Variants in SLAIN2 observed in about 807,000 individuals in gnomAD.
SLAIN2 encodes the protein SLAIN family member 2.
SLAIN2 carries 31 observed loss-of-function variants against 56.6 expected under a neutral mutation model. That is an observed-to-expected ratio of 0.55 (90% CI 0.41 to 0.74). The LOEUF (loss-of-function observed/expected upper bound fraction) is 0.74. Ranked by LOEUF, SLAIN2 falls within the 30% of genes least tolerant of loss-of-function variation. The pLI is 0.00. For missense variants in SLAIN2, 777 were observed against 754.2 expected (o/e 1.03, Z -0.35); for synonymous variants, 317 against 284.9 (o/e 1.11, Z -1.13).
chr4:48,412,411 CACACAT>C (rs71191221), intron 6 of SLAIN2, among the ~76,000 whole-genome samples: 14,623 of 61,370 alleles, frequency 0.24, 1,303 homozygotes, highest in Non-Finnish European at 0.34. Context: ...CACACACACA[CACACAT>C]TCCCTCTCTC....
chr4:48,371,359 C>T (rs1358529256), intron 2 of SLAIN2, among the ~76,000 whole-genome samples: 1 of 152,070 alleles, frequency 6.6e-6, no homozygotes, highest in African/African-American at 2.4e-5. Context: ...AGGCGTGAGC[C>T]ACCATGCCTG....
At chr4:48,342,774 G>A (rs401463) in intron 1 of SLAIN2, among the ~76,000 whole-genome samples, 30,414 of 130,482 alleles carry the variant, frequency 0.23, 4,029 homozygotes, top group Middle Eastern at 0.4. Flanking sequence ...AACGAGCCCT[G>A]GCTCTTATTT....
At chr4:48,396,171 A>G (rs180773956) in intron 6 of SLAIN2, among the ~76,000 whole-genome samples, 1 of 152,172 alleles carries the variant, frequency 6.6e-6, no homozygotes, top group Admixed American at 6.5e-5. Context: ...CAAACTACCT[A>G]TCCTCTCTGA....
chr4:48,366,544 C>T (rs1419273792), intron 1 of SLAIN2, among the ~76,000 whole-genome samples: 1 of 152,042 alleles, frequency 6.6e-6, no homozygotes, highest in Non-Finnish European at 1.5e-5. Context: ...TCTTTTATAT[C>T]TTAAAGTCTA....
chr4:48,377,320 C>A (rs1170302618), intron 2 of SLAIN2, among the ~76,000 whole-genome samples: 9 of 150,168 alleles, frequency 6.0e-5, no homozygotes, highest in Non-Finnish European at 8.9e-5. Context: ...GTAGCATGCA[C>A]CACCATGCCT....
chr4:48,422,117 A>G lies in SLAIN2; in HGVS notation c.*40A>G. On this transcript the variant is annotated 3_prime_UTR_variant, in exon 8 of 8. Coordinates refer to ENST00000264313, the MANE Select transcript of SLAIN2 (RefSeq NM_020846.2). ...AATGCAGAAGTCCACGGCTTCATGG[A>G]TACCCTTCACCAGGCTAAAAAACAA... 1.3e-6 allele frequency: 2 copies of G among 1,553,946 alleles called. No homozygotes were observed. Among genetic ancestry groups the G allele is most frequent in the Non-Finnish European group, 1.8e-6 (2 of 1,133,442 alleles).
intron 1 of SLAIN2, among the ~76,000 whole-genome samples, chr4:48,344,681 T>C (rs1316922191): frequency 6.6e-6 from 1 of 152,192 alleles, no homozygotes; most frequent in Non-Finnish European, 1.5e-5. Context: ...CAGCAGTCAC[T>C]TTCATACTCT....
chr4:48,341,995 A>T lies in SLAIN2; in HGVS notation c.256A>T (p.Thr86Ser). The change falls in exon 1 of 8, where the codon ACG becomes TCG. Residue 86 changes from threonine to serine, a missense_variant. Transcript: ENST00000264313. ...CGGGCCCGGGTCGGGCCCGAGGCGGACGAGTAGCGAAGAGCTGCGGGACGC... is the reference window on the plus strand; with the variant it reads ...CGGGCCCGGGTCGGGCCCGAGGCGGTCGAGTAGCGAAGAGCTGCGGGACGC... ...GGGPGSGPRR[T>S]SSEELRDATS... 1.4e-6 allele frequency: 2 copies of T among 1,412,840 alleles called. No individual in the cohort carries two copies. Among genetic ancestry groups the T allele is most frequent in the Non-Finnish European group, 9.2e-7 (1 of 1,087,478 alleles). 87.5% of individuals were successfully genotyped at this position (1,412,840 alleles called of 1,614,324 possible).
At chr4:48,396,039 T>TTAATTAAGTAGG (rs1716377596) in intron 6 of SLAIN2, among the ~76,000 whole-genome samples, 28 of 152,302 alleles carry the variant, frequency 1.8e-4, no homozygotes, top group Admixed American at 1.6e-3. Flanking sequence ...TTTACATAAC[T>TTAATTAAGTAGG]TAAAATTTTT....
At chr4:48,350,554 C>A (rs365757) in intron 1 of SLAIN2, among the ~76,000 whole-genome samples, 1 of 152,094 alleles carries the variant, frequency 6.6e-6, no homozygotes, top group Non-Finnish European at 1.5e-5. Context: ...CATGTGACTC[C>A]TGTTGGGCTA....
At position 48,412,365 on chromosome 4, in the gene SLAIN2, T is replaced by TACACACACAC. The variant is rs748099130; in HGVS notation, c.1361-7718_1361-7709dup. Among the ~76,000 whole-genome samples, 277 of 112,964 alleles carry TACACACACAC rather than the reference T, an allele frequency of 2.5e-3. 1 individual carries two copies. The highest frequency in any genetic ancestry group is 4.8e-3 in the Admixed American group (51 of 10,664). The allele number at this position is 112,964 out of a possible 152,430, so 74.1% of individuals were successfully genotyped here. A position where few individuals can be genotyped will look rare whatever the true frequency, so the allele number is the denominator to read the frequency against. On this transcript the variant is annotated intron_variant, in intron 6 of 7. Transcript: ENST00000264313. ...TTCCTGTAATGTATGTTTGTATATG[T>TACACACACAC]ACACACACACACACACACACACACA...
chr4:48,362,263 T>A (rs1417291949), intron 1 of SLAIN2, among the ~76,000 whole-genome samples: 1 of 152,186 alleles, frequency 6.6e-6, no homozygotes, highest in African/African-American at 2.4e-5. Context: ...AGTCTGTTTT[T>A]GTGAAAGAGT....
chr4:48,387,518 G>C (rs1716130639), intron 6 of SLAIN2: 1 of 151,586 alleles, frequency 6.6e-6, no homozygotes, highest in African/African-American at 2.4e-5. Flanking sequence ...TATGTAGGCA[G>C]AAGAGAAAGT....
chr4:48,357,549 CTT>C (rs1009414217), intron 1 of SLAIN2, among the ~76,000 whole-genome samples: 27 of 150,870 alleles, frequency 1.8e-4, no homozygotes, highest in African/African-American at 6.1e-4. Flanking sequence ...GCTCAGGTGA[CTT>C]TTATTTTTTT....
At chr4:48,415,369 G>A (rs1348129087) in intron 6 of SLAIN2, among the ~76,000 whole-genome samples, 2 of 66,364 alleles carry the variant, frequency 3.0e-5, no homozygotes, top group Non-Finnish European at 6.8e-5. Flanking sequence ...TTTGAGAAGT[G>A]TCTGTTCATA....
intron 7 of SLAIN2, 121 bp from the exon 8 acceptor site, chr4:48,421,890 G>T (rs1233301901): frequency 2.7e-6 from 2 of 754,202 alleles, no homozygotes; most frequent in Non-Finnish European, 4.4e-6. Flanking sequence ...CTTAGGACTT[G>T]GTACGGCCTT....
intron 7 of SLAIN2, among the ~76,000 whole-genome samples, chr4:48,421,700 CAAAAT>C (rs1717160759): frequency 6.6e-6 from 1 of 151,798 alleles, no homozygotes; most frequent in Non-Finnish European, 1.5e-5. Context: ...TTCTGCCTCT[CAAAAT>C]AATAAGTAAA....
At position 48,341,610 on chromosome 4, in the gene SLAIN2, G is replaced by T; in HGVS notation, c.-130G>T. The T allele has an allele frequency of 7.6e-7, 1 of 1,321,114 alleles. No homozygotes were observed. The highest frequency in any genetic ancestry group is 9.8e-7 in the Non-Finnish European group (1 of 1,018,926). 81.8% of individuals were successfully genotyped at this position (1,321,114 alleles called of 1,614,324 possible). On this transcript the variant is annotated 5_prime_UTR_variant, in exon 1 of 8. Coordinates refer to ENST00000264313, the MANE Select transcript of SLAIN2 (RefSeq NM_020846.2). ...CCCGAGGTGGGGGGACCCTGGCGGT[G>T]GGGCCTGGTCCTGCTATATGCCGGC...
chr4:48,410,149 G>A (rs1716807076), intron 6 of SLAIN2, among the ~76,000 whole-genome samples: 1 of 152,120 alleles, frequency 6.6e-6, no homozygotes, highest in Non-Finnish European at 1.5e-5. Context: ...GTGAAGTGTT[G>A]TAAAGTGGAA....
Sources: gnomAD v4.1 joint callset for allele counts (sites outside exome capture counted in the v4.1 genomes callset) on GRCh38, gnomAD v4.1.1 for gene constraint, MANE v1.5 for transcripts, NCBI Gene and HGNC (gene_info 2026-07-23, HGNC 2026-07-21) for gene names.